Variants in GRM8 observed in about 807,000 individuals in gnomAD.
GRM8 encodes glutamate metabotropic receptor 8.
A neutral mutation model predicts 87.2 loss-of-function variants in GRM8; 47 were observed. The observed-to-expected ratio is 0.54, with a 90% CI of 0.43 to 0.69. GRM8 has a LOEUF of 0.69. Among genes scored for constraint, GRM8 ranks in the 30% least tolerant of loss-of-function variants. The pLI is 0.00. For missense variants in GRM8, 1,019 were observed against 1,139.2 expected (o/e 0.89, Z 1.52); for synonymous variants, 396 against 404.5 (o/e 0.98, Z 0.25).
intron 9 of GRM8, among the ~76,000 whole-genome samples, chr7:126,474,770 T>G (rs1364587096): frequency 2.0e-5 from 3 of 152,132 alleles, no homozygotes; most frequent in African/African-American, 7.2e-5. Flanking sequence ...ACATGAAATG[T>G]ATCATTCATT....
intron 3 of GRM8, among the ~76,000 whole-genome samples, chr7:126,930,751 G>A (rs1328036792): frequency 3.3e-5 from 5 of 152,170 alleles, no homozygotes; most frequent in Admixed American, 6.5e-5. Context: ...CATGTGAGCC[G>A]AGTATTATAA....
At position 126,438,829 on chromosome 7, in the gene GRM8, A is replaced by AT. The variant is rs34182595; in HGVS notation, c.*289dup. The AT allele has an allele frequency of 4.9e-5, 15 of 304,046 alleles. No individual in the cohort carries two copies. The highest frequency in any genetic ancestry group is 1.4e-4 in the Admixed American group (3 of 20,936). The allele number at this position is 304,046 out of a possible 1,614,324, so 18.8% of individuals were successfully genotyped here. ...ATCAGACATTATTTATTTCAACAGC[A>AT]TTTTTTTTCACGAGCTAACATTAGT... is the stretch of plus-strand genomic sequence containing the variant. On this transcript the variant is annotated 3_prime_UTR_variant, in exon 11 of 11. Transcript: ENST00000339582.
At chr7:126,823,055 CT>C (rs1794449502) in intron 6 of GRM8, among the ~76,000 whole-genome samples, 1 of 152,178 alleles carries the variant, frequency 6.6e-6, no homozygotes, top group African/African-American at 2.4e-5. Flanking sequence ...ACCAAACCTA[CT>C]AAGCCACTTA....
intron 3 of GRM8, among the ~76,000 whole-genome samples, chr7:127,021,103 C>A (rs887265627): frequency 2.0e-5 from 3 of 152,038 alleles, no homozygotes; most frequent in Admixed American, 6.6e-5. Context: ...CAGGAGAAAG[C>A]CACTTATGCT....
chr7:126,549,054 T>C (rs1296534282), intron 8 of GRM8, among the ~76,000 whole-genome samples: 1 of 152,134 alleles, frequency 6.6e-6, no homozygotes, highest in South Asian at 2.1e-4. Flanking sequence ...GGGTAGAGTT[T>C]GTATAAAATC....
intron 9 of GRM8, among the ~76,000 whole-genome samples, chr7:126,452,667 G>A (rs939928127): frequency 1.3e-5 from 2 of 151,652 alleles, no homozygotes; most frequent in Non-Finnish European, 2.9e-5. Context: ...GTAATCTTGG[G>A]CAGATAAACA....
intron 6 of GRM8, among the ~76,000 whole-genome samples, chr7:126,867,397 T>G (rs1798693336): frequency 6.6e-6 from 1 of 152,236 alleles, no homozygotes; most frequent in Non-Finnish European, 1.5e-5. Flanking sequence ...TTGGGCACTT[T>G]CTTACCCAAA....
intron 2 of GRM8, chr7:127,215,200 A>T (rs913032627): frequency 6.6e-6 from 1 of 152,192 alleles, no homozygotes; most frequent in African/African-American, 2.4e-5. Context: ...TCAAACTGGA[A>T]TTATCTTAAC....
intron 3 of GRM8, among the ~76,000 whole-genome samples, chr7:127,072,709 T>A (rs1379740404): frequency 6.6e-6 from 1 of 151,694 alleles, no homozygotes; most frequent in African/African-American, 2.4e-5. Flanking sequence ...TAAGATGGAA[T>A]GAGTGAATGA....
At chr7:126,746,271 A>T (rs1815665669) in intron 7 of GRM8, among the ~76,000 whole-genome samples, 1 of 151,770 alleles carries the variant, frequency 6.6e-6, no homozygotes, top group African/African-American at 2.4e-5. Context: ...CATAGTACTC[A>T]TATTACTGAA....
At chr7:126,848,633 C>A (rs1470186940) in intron 6 of GRM8, among the ~76,000 whole-genome samples, 1 of 151,994 alleles carries the variant, frequency 6.6e-6, no homozygotes, top group East Asian at 1.9e-4. Context: ...CCAGCCTGGG[C>A]AACATGGCGA....
intron 2 of GRM8, among the ~76,000 whole-genome samples, chr7:127,134,387 C>T (rs1336624432): frequency 1.3e-5 from 2 of 152,198 alleles, no homozygotes; most frequent in Admixed American, 6.5e-5. Flanking sequence ...CATCTTGTTA[C>T]AGATCTCACC....
chr7:126,482,369 T>A (rs1806790919), intron 9 of GRM8, among the ~76,000 whole-genome samples: 1 of 152,046 alleles, frequency 6.6e-6, no homozygotes, highest in South Asian at 2.1e-4. Context: ...ACAGTAGCAT[T>A]ATTCATAAGA....
chr7:126,652,593 T>C (rs1804029232), intron 7 of GRM8, among the ~76,000 whole-genome samples: 1 of 152,060 alleles, frequency 6.6e-6, no homozygotes, highest in Non-Finnish European at 1.5e-5. Context: ...GGCAGAAAAA[T>C]GTGAAAAGAC....
At chr7:126,840,070 A>G (rs1563238060) in intron 6 of GRM8, among the ~76,000 whole-genome samples, 1 of 152,152 alleles carries the variant, frequency 6.6e-6, no homozygotes, top group Non-Finnish European at 1.5e-5. Context: ...AATAAATCAA[A>G]CTATATTAAT....
At chr7:126,833,610 C>T (rs1452912330) in intron 6 of GRM8, among the ~76,000 whole-genome samples, 1 of 152,114 alleles carries the variant, frequency 6.6e-6, no homozygotes, top group Non-Finnish European at 1.5e-5. Flanking sequence ...GAGAGGAAGC[C>T]CGTGTGTCTC....
At chr7:126,751,260 T>C (rs1816378352) in intron 7 of GRM8, among the ~76,000 whole-genome samples, 1 of 151,692 alleles carries the variant, frequency 6.6e-6, no homozygotes, top group South Asian at 2.1e-4. Flanking sequence ...AGAAGAGTCA[T>C]TTTCTGTGCC....
chr7:126,800,411 T>C (rs1822533297), intron 6 of GRM8, among the ~76,000 whole-genome samples: 1 of 152,170 alleles, frequency 6.6e-6, no homozygotes, highest in Non-Finnish European at 1.5e-5. Context: ...ATTTTTCCCA[T>C]TTAAATATTT....
intron 6 of GRM8, among the ~76,000 whole-genome samples, chr7:126,806,837 C>T (rs532734195): frequency 7.9e-5 from 12 of 152,310 alleles, no homozygotes; most frequent in Middle Eastern, 3.4e-3. Flanking sequence ...CCCGGAACCG[C>T]GCCGGTGGCC....
Sources: gnomAD v4.1 joint callset for allele counts (sites outside exome capture counted in the v4.1 genomes callset) on GRCh38, gnomAD v4.1.1 for gene constraint, MANE v1.5 for transcripts, NCBI Gene and HGNC (gene_info 2026-07-23, HGNC 2026-07-21) for gene names.